RAPGEF6: variants seen among roughly 807,000 people sequenced by gnomAD.
RAPGEF6 encodes the protein PDZ domain containing guanine nucleotide exchange factor (GEF) 2.
A neutral mutation model predicts 171.4 loss-of-function variants in RAPGEF6; 56 were observed. The ratio of observed to expected loss-of-function variants is 0.33; its 90% confidence interval spans 0.26 to 0.41. RAPGEF6 has a LOEUF of 0.41. Ranked by LOEUF, RAPGEF6 falls within the 10% of genes least tolerant of loss-of-function variation. The probability of loss-of-function intolerance (pLI) is 1.00; values close to 1 mark genes in which losing one functional copy is unlikely to be tolerated. For synonymous variants in RAPGEF6, 692 were observed against 650.1 expected (o/e 1.06, Z -0.98); for missense variants, 1,674 against 1,921.4 (o/e 0.87, Z 2.41).
At chr5:131,622,418 C>A (rs1361955379) in intron 1 of RAPGEF6, among the ~76,000 whole-genome samples, 3 of 152,210 alleles carry the variant, frequency 2.0e-5, no homozygotes, top group Non-Finnish European at 4.4e-5. Flanking sequence ...CTGTGTTTAT[C>A]ATTTGACTTT....
chr5:131,594,709 G>C (rs1302839632), intron 3 of RAPGEF6, among the ~76,000 whole-genome samples: 3 of 152,196 alleles, frequency 2.0e-5, no homozygotes, highest in Non-Finnish European at 4.4e-5. Flanking sequence ...TCAAGGCCTT[G>C]GGAGCCCACC....
chr5:131,492,986 T>C (rs897092881), intron 13 of RAPGEF6, among the ~76,000 whole-genome samples: 1 of 152,198 alleles, frequency 6.6e-6, no homozygotes, highest in Non-Finnish European at 1.5e-5. Flanking sequence ...TAAATTATCA[T>C]AGGTAGATTT....
intron 4 of RAPGEF6, among the ~76,000 whole-genome samples, chr5:131,581,768 T>C (rs887828851): frequency 2.0e-5 from 3 of 152,178 alleles, no homozygotes; most frequent in Non-Finnish European, 4.4e-5. Flanking sequence ...CCCCAGTCCT[T>C]GTGATAATGT....
At position 131,579,634 on chromosome 5, in the gene RAPGEF6, T is replaced by C. The variant is rs535642881; in HGVS notation, c.281+12749A>G. On this transcript the variant is annotated intron_variant, in intron 4 of 27. Coordinates refer to ENST00000509018, the MANE Select transcript of RAPGEF6 (RefSeq NM_016340.6). The stretch of plus-strand genomic sequence containing the variant: ...GCACTGATTGGTGCATTTACAAACC[T>C]TGAGCTAGACACAGGGTGCTGACTG... 2.6e-5 allele frequency among the ~76,000 whole-genome samples: 4 copies of C among 151,914 alleles called. No individual in the cohort carries two copies. The South Asian group carries it at 6.2e-4, about 24-fold the overall frequency.
At chr5:131,459,214 G>C (rs1753732640) in intron 19 of RAPGEF6, among the ~76,000 whole-genome samples, 1 of 151,926 alleles carries the variant, frequency 6.6e-6, no homozygotes, top group South Asian at 2.1e-4. Context: ...GCATATTTTA[G>C]AAAAAAAGAT....
chr5:131,441,025 C>G (rs1334734735), intron 23 of RAPGEF6, among the ~76,000 whole-genome samples: 2 of 152,194 alleles, frequency 1.3e-5, no homozygotes, highest in African/African-American at 4.8e-5. Flanking sequence ...CAGTCCTTCT[C>G]AAACATAATT....
In RAPGEF6 at chr5:131,570,106, T is replaced by C. The variant is rs574541326; in HGVS notation, c.282-8059A>G. ...AGAGAAATTATATGAAAACTACATA[T>C]ATGACATAGAACTTGGATCCAAAAT... is the stretch of plus-strand genomic sequence containing the variant. On this transcript the variant is annotated intron_variant, in intron 4 of 27. Coordinates refer to ENST00000509018, the MANE Select transcript of RAPGEF6 (RefSeq NM_016340.6). Among the ~76,000 whole-genome samples the C allele has an allele frequency of 2.6e-5, 3 of 114,720 alleles. No homozygotes were observed. The East Asian group carries it at 8.4e-4, about 32-fold the overall frequency. 75.3% of individuals were successfully genotyped at this position (114,720 alleles called of 152,430 possible).
intron 7 of RAPGEF6, among the ~76,000 whole-genome samples, chr5:131,510,917 C>T (rs1757673977): frequency 6.6e-6 from 1 of 152,106 alleles, no homozygotes; most frequent in African/African-American, 2.4e-5. Context: ...GTTCTTTCAT[C>T]ACAGAGACTT....
chr5:131,557,259 A>C (rs1344182085), intron 5 of RAPGEF6, among the ~76,000 whole-genome samples: 1 of 152,212 alleles, frequency 6.6e-6, no homozygotes, highest in African/African-American at 2.4e-5. Context: ...AAAAGATCTA[A>C]AAACAACTTT....
chr5:131,476,473 T>A (rs1429511490), intron 16 of RAPGEF6, among the ~76,000 whole-genome samples: 1 of 152,070 alleles, frequency 6.6e-6, no homozygotes, highest in African/African-American at 2.4e-5. Flanking sequence ...ATTTATTATT[T>A]TTTTGAGTCG....
chr5:131,621,835 C>G (rs1765611743), intron 1 of RAPGEF6, among the ~76,000 whole-genome samples: 1 of 152,054 alleles, frequency 6.6e-6, no homozygotes, highest in Admixed American at 6.5e-5. Context: ...TCAGGGTTCC[C>G]TTTTCTAAAA....
intron 1 of RAPGEF6, among the ~76,000 whole-genome samples, chr5:131,621,756 A>G (rs910394976): frequency 6.6e-6 from 1 of 152,134 alleles, no homozygotes; most frequent in East Asian, 1.9e-4. Context: ...CTTATTTTCC[A>G]ATCTCGGTTG....
intron 22 of RAPGEF6, among the ~76,000 whole-genome samples, chr5:131,444,521 T>A (rs1752568482): frequency 6.6e-6 from 1 of 152,222 alleles, no homozygotes; most frequent in Admixed American, 6.5e-5. Flanking sequence ...CAACTATTGT[T>A]TGGGCTTCGG....
At chr5:131,604,794 A>G (rs1764453577) in intron 1 of RAPGEF6, 101 bp from the exon 2 acceptor site, 1 of 1,360,138 alleles carries the variant, frequency 7.4e-7, no homozygotes. Context: ...CACTTATGGC[A>G]AAGCAGTTAA....
intron 1 of RAPGEF6, among the ~76,000 whole-genome samples, chr5:131,623,940 A>G (rs1561617113): frequency 6.6e-6 from 1 of 152,226 alleles, no homozygotes; most frequent in Non-Finnish European, 1.5e-5. Context: ...AACACAGCAC[A>G]GTAATTACTA....
intron 22 of RAPGEF6, among the ~76,000 whole-genome samples, chr5:131,446,149 A>G (rs1752675005): frequency 6.6e-6 from 1 of 152,222 alleles, no homozygotes; most frequent in African/African-American, 2.4e-5. Flanking sequence ...TATCCATGAA[A>G]TAAAAAGAGG....
intron 11 of RAPGEF6, among the ~76,000 whole-genome samples, 156 bp from the exon 12 acceptor site, chr5:131,498,763 C>T (rs1462721282): frequency 3.3e-5 from 5 of 152,200 alleles, no homozygotes; most frequent in Non-Finnish European, 7.3e-5. Context: ...AATTGGAATG[C>T]AAACTTAATT....
chr5:131,470,511 A>T (rs1335841170), intron 17 of RAPGEF6, among the ~76,000 whole-genome samples: 1 of 152,192 alleles, frequency 6.6e-6, no homozygotes, highest in African/African-American at 2.4e-5. Flanking sequence ...CATCCTACAT[A>T]TACCTATGGC....
intron 12 of RAPGEF6, among the ~76,000 whole-genome samples, chr5:131,496,543 G>A (rs923616797): frequency 1.3e-5 from 2 of 152,202 alleles, no homozygotes; most frequent in African/African-American, 4.8e-5. Context: ...AGCCCCTGGC[G>A]GCCACTAGTC....
Sources: gnomAD v4.1 joint callset for allele counts (sites outside exome capture counted in the v4.1 genomes callset) on GRCh38, gnomAD v4.1.1 for gene constraint, MANE v1.5 for transcripts, NCBI Gene and HGNC (gene_info 2026-07-23, HGNC 2026-07-21) for gene names.